PRPSAP2: variants seen among roughly 807,000 people sequenced by gnomAD.
The protein encoded by PRPSAP2 is phosphoribosyl pyrophosphate synthase-associated protein 2.
In PRPSAP2, 24 loss-of-function variants were observed where a neutral mutation model predicts 40.6. The ratio of observed to expected loss-of-function variants is 0.59; its 90% CI spans 0.43 to 0.83. The LOEUF is 0.83. Ranked by LOEUF, PRPSAP2 falls within the 40% of genes least tolerant of loss-of-function variation. The pLI is 0.00. For missense variants in PRPSAP2, 292 were observed against 465.6 expected, an observed-to-expected ratio of 0.63 and a Z score of 3.43; for synonymous variants, 149 against 164.7, an observed-to-expected ratio of 0.90 and a Z score of 0.73.
chr17:18,894,479 C>CTTTTTTTTTTTTTT lies in PRPSAP2; in HGVS notation c.584+4607_584+4620dup, dbSNP rs1201159228. ...CGGCCCTCTGTAGCTTTTCAATAGTCTTTTTTTTTTTTTTTTTTGAGACAG... is the reference window on the plus strand; with the variant it reads ...CGGCCCTCTGTAGCTTTTCAATAGTCTTTTTTTTTTTTTTTTTTTTTTTTTTTTTTTTGAGACAG... On this transcript the variant is annotated intron_variant, in intron 8 of 11. Transcript: ENST00000268835. 5.6e-4 allele frequency among the ~76,000 whole-genome samples: 68 copies of CTTTTTTTTTTTTTT among 120,586 alleles called. 4 individuals carry two copies. Among genetic ancestry groups the CTTTTTTTTTTTTTT allele is most frequent in the African/African-American group, 9.1e-4 (28 of 30,656 alleles). The allele number at this position is 120,586 out of a possible 152,430, so 79.1% of individuals were successfully genotyped here. A position where few individuals can be genotyped will look rare whatever the true frequency, so the allele number is the denominator to read the frequency against.
At chr17:18,870,766 G>A (rs944520639) in intron 4 of PRPSAP2, among the ~76,000 whole-genome samples, 6 of 149,754 alleles carry the variant, frequency 4.0e-5, no homozygotes, top group African/African-American at 1.2e-4. Flanking sequence ...CTGGGATCAC[G>A]CCGCTGCACT....
chr17:18,901,587 AGGAT>A (rs2040272511), intron 8 of PRPSAP2, among the ~76,000 whole-genome samples: 1 of 152,024 alleles, frequency 6.6e-6, no homozygotes, highest in Non-Finnish European at 1.5e-5. Context: ...CATGTTAGCA[AGGAT>A]GGTCTCTATC....
chr17:18,878,393 A>G (rs1427469366), intron 6 of PRPSAP2, among the ~76,000 whole-genome samples: 1 of 152,188 alleles, frequency 6.6e-6, no homozygotes, highest in Non-Finnish European at 1.5e-5. Context: ...AGATAGGCAT[A>G]TATTGGAAAA....
chr17:18,930,783 T>G lies in PRPSAP2; in HGVS notation c.*85T>G, dbSNP rs554955169. ...GGGATGGATTTCACAGGAACCGTCA[T>G]GCTTGTTCCTCCCTCTCCCCTGTAA... On this transcript the variant is annotated 3_prime_UTR_variant, in exon 12 of 12. Transcript: ENST00000268835. 6 of 1,258,528 alleles carry G rather than the reference T, an allele frequency of 4.8e-6. No individual in the cohort carries two copies. In the South Asian group the frequency reaches 8.6e-5, roughly 18 times the overall value. The allele number at this position is 1,258,528 out of a possible 1,614,324, so 78.0% of individuals were successfully genotyped here.
rs932093297 is a variant in PRPSAP2 at position 18,877,944 on chromosome 17, C to G, written c.412+74C>G. The G allele has an allele frequency of 2.8e-6, 4 of 1,450,546 alleles. No individual in the cohort carries two copies. The African/African-American group carries it at 5.7e-5, about 21-fold the overall frequency. 89.9% of individuals were successfully genotyped at this position (1,450,546 alleles called of 1,614,324 possible). A position where few individuals can be genotyped will look rare whatever the true frequency, so the allele number is the denominator to read the frequency against. ...TTTATTTATTCTCTCTTTTTTAAGA[C>G]AGGGTCTTGCCCTGTCACCTAGGCT... On this transcript the variant is annotated intron_variant, in intron 6 of 11. Coordinates refer to ENST00000268835, the MANE Select transcript of PRPSAP2 (RefSeq NM_002767.4).
intron 1 of PRPSAP2, among the ~76,000 whole-genome samples, chr17:18,864,288 T>C (rs1264810943): frequency 6.6e-6 from 1 of 151,884 alleles, no homozygotes; most frequent in Middle Eastern, 3.2e-3. Flanking sequence ...TTAACTATCA[T>C]GTTTCAGGTT....
In PRPSAP2 at chr17:18,929,186, G is replaced by A. The variant is rs903370631; in HGVS notation, c.951+229G>A. Among the ~76,000 whole-genome samples the A allele has an allele frequency of 2.6e-5, 4 of 151,866 alleles. No homozygotes were observed. The East Asian group carries it at 5.8e-4, about 22-fold the overall frequency. ...AGCCTGGCCAACAGGGTGAAACCCC[G>A]TCTCTACTAAAAATACAAAAATTAG... On this transcript the variant is annotated intron_variant, in intron 11 of 11. Coordinates refer to ENST00000268835, the MANE Select transcript of PRPSAP2 (RefSeq NM_002767.4).
chr17:18,926,768 G>A (rs1343029378), intron 10 of PRPSAP2, among the ~76,000 whole-genome samples: 1 of 128,816 alleles, frequency 7.8e-6, no homozygotes, highest in Non-Finnish European at 1.7e-5. Flanking sequence ...TGTGCATGTA[G>A]TGAGTGTGAG....
At chr17:18,877,575 GT>G (rs112755492) in intron 5 of PRPSAP2, 122 bp from the exon 6 acceptor site, 66,409 of 913,764 alleles carry the variant, frequency 0.073, 2,712 homozygotes, top group African/African-American at 0.13. Context: ...TTATTGGTTG[GT>G]TTTTTTCTGC....
At chr17:18,895,187 G>A in intron 8 of PRPSAP2, among the ~76,000 whole-genome samples, 1 of 150,960 alleles carries the variant, frequency 6.6e-6, no homozygotes, top group East Asian at 1.9e-4. Context: ...TGGGCTCATG[G>A]CAATCCTTTC....
At chr17:18,901,833 G>C (rs143484222) in intron 8 of PRPSAP2, among the ~76,000 whole-genome samples, 2 of 152,124 alleles carry the variant, frequency 1.3e-5, no homozygotes, top group Non-Finnish European at 2.9e-5. Context: ...CCAGGCTGGA[G>C]TGCAGTGGTA....
chr17:18,877,598 GGTTGTATAAAGGCA>G, intron 5 of PRPSAP2, 86 bp from the exon 6 acceptor site: 1 of 1,155,520 alleles, frequency 8.7e-7, no homozygotes, highest in Non-Finnish European at 1.2e-6. Flanking sequence ...TTGCACCTTA[GGTTGTATAAAGGCA>G]TGAGTAACAC....
At chr17:18,876,280 A>AAAC (rs1438930553) in intron 5 of PRPSAP2, among the ~76,000 whole-genome samples, 1 of 152,264 alleles carries the variant, frequency 6.6e-6, no homozygotes, top group African/African-American at 2.4e-5. Flanking sequence ...CCTGTATTTC[A>AAAC]AACAAGACTG....
chr17:18,911,904 C>T lies in PRPSAP2; in HGVS notation c.733+653C>T, dbSNP rs936001695. Among the ~76,000 whole-genome samples the T allele has an allele frequency of 6.6e-6, 1 of 150,998 alleles. No homozygotes were observed. Among genetic ancestry groups the T allele is most frequent in the African/African-American group, 2.4e-5 (1 of 41,040 alleles). ...CGCCAGCACTGACCCCGTGATGGGC[C>T]GGGCACGGTGGCTCACGCCTGTAAT... On this transcript the variant is annotated intron_variant, in intron 9 of 11. Transcript: ENST00000268835. The surrounding 1 kb of genome is among the most constrained non-coding windows in gnomAD (Gnocchi z 4.5).
chr17:18,897,483 C>T (rs540374916), intron 8 of PRPSAP2, among the ~76,000 whole-genome samples: 20 of 75,032 alleles, frequency 2.7e-4, no homozygotes, highest in South Asian at 2.6e-3. Flanking sequence ...GTTGTTTAGA[C>T]GGATTTTTAT....
At chr17:18,922,553 T>C (rs758385920) in intron 9 of PRPSAP2, among the ~76,000 whole-genome samples, 40 of 152,116 alleles carry the variant, frequency 2.6e-4, no homozygotes, top group Non-Finnish European at 3.2e-4. Context: ...TATATCTTCT[T>C]TGGAGAAATA....
At chr17:18,912,205 G>A (rs34523928) in intron 9 of PRPSAP2, among the ~76,000 whole-genome samples, 6,244 of 151,974 alleles carry the variant, frequency 0.041, 203 homozygotes, top group Non-Finnish European at 0.061. Context: ...AGATAAAGGC[G>A]CCAGCAGATT....
intron 1 of PRPSAP2, among the ~76,000 whole-genome samples, chr17:18,864,157 T>C (rs1345438974): frequency 6.6e-6 from 1 of 151,996 alleles, no homozygotes; most frequent in Non-Finnish European, 1.5e-5. Flanking sequence ...CCTGGCCGTA[T>C]ATAATTTTTA....
intron 9 of PRPSAP2, among the ~76,000 whole-genome samples, chr17:18,915,432 T>C (rs903062834): frequency 6.6e-6 from 1 of 152,192 alleles, no homozygotes; most frequent in Non-Finnish European, 1.5e-5. Flanking sequence ...TCTTAGTCTG[T>C]TTTGTGTTGC....
Sources: allele counts gnomAD v4.1 joint callset (sites outside exome capture counted in the v4.1 genomes callset), GRCh38; gene constraint gnomAD v4.1.1; non-coding constraint Gnocchi (gnomAD v3.1); transcripts MANE v1.5; gene names NCBI Gene and HGNC (gene_info 2026-07-23, HGNC 2026-07-21).